The following VPS11 variants were observed in gnomAD, a reference collection of about 807,000 sequenced individuals.
VPS11 encodes the protein vacuolar protein sorting-associated protein 11 homolog.
A neutral mutation model predicts 106.8 loss-of-function variants in VPS11; 51 were observed. The ratio of observed to expected loss-of-function variants is 0.48; its 90% CI spans 0.38 to 0.60. The LOEUF is 0.60. Ranked by LOEUF, VPS11 falls within the 20% of genes least tolerant of loss-of-function variation. The probability of loss-of-function intolerance (pLI) is 0.00; values close to 1 mark genes in which losing one functional copy is unlikely to be tolerated. For missense variants in VPS11, 950 were observed against 1,190.0 expected (o/e 0.80, Z 2.97); for synonymous variants, 453 against 458.7 (o/e 0.99, Z 0.16).
chr11:119,075,812 G>C (rs549797118), intron 7 of VPS11, among the ~76,000 whole-genome samples: 9 of 152,228 alleles, frequency 5.9e-5, no homozygotes, highest in South Asian at 2.1e-4. Flanking sequence ...TGAGGCAGGA[G>C]ATTCACTTGA....
Position 119,079,116 on chromosome 11 carries a change from A to T in VPS11, c.2267-13A>T. 6.2e-7 allele frequency: 1 copy of T among 1,612,348 alleles called. No homozygotes were observed. The highest frequency in any genetic ancestry group is 8.5e-7 in the Non-Finnish European group (1 of 1,178,864). On this transcript the variant is annotated splice_polypyrimidine_tract_variant and intron_variant, in intron 13 of 15. Coordinates refer to ENST00000621676, the MANE Select transcript of VPS11 (RefSeq NM_021729.6). ...GGTTGATTGTCTTGTTTCCTCTTGG[A>T]CCCCAATCTCAGTGGTGCAGACCCT... is the stretch of plus-strand genomic sequence containing the variant.
rs1391286604 is a variant in VPS11 at position 119,077,046 on chromosome 11, A to G, written c.1388A>G (p.Lys463Arg). The change falls in exon 8 of 16, where the codon AAG becomes AGG. Residue 463 changes from lysine to arginine, a missense_variant. Lys to Arg is a conservative substitution (Grantham distance 26). Transcript: ENST00000621676. ...ACCCTGCTCCTCAACTGCTATACCA[A>G]GCTCAAGGACAGCTCGAAGCTGGAG... is the stretch of plus-strand genomic sequence containing the variant. ...HTTLLLNCYT[K>R]LKDSSKLEEF... is the part of the protein sequence containing the mutation. The G allele has an allele frequency of 6.2e-7, 1 of 1,613,630 alleles. No individual in the cohort carries two copies. The highest frequency in any genetic ancestry group is 1.1e-5 in the South Asian group (1 of 90,976).
intron 11 of VPS11, 80 bp downstream of exon 11, chr11:119,078,414 G>T (rs1945718896): frequency 1.3e-6 from 2 of 1,581,204 alleles, no homozygotes; most frequent in Admixed American, 1.7e-5. Flanking sequence ...GCCTTTCACT[G>T]CATTCCTTAG....
At chr11:119,069,646 C>T (rs1422011327) in intron 3 of VPS11, 69 bp downstream of exon 3, 2 of 1,603,102 alleles carry the variant, frequency 1.2e-6, no homozygotes, top group Non-Finnish European at 1.7e-6. Flanking sequence ...TTCTGCCTCT[C>T]ATCTTTACTG....
Position 119,078,899 on chromosome 11 carries a change from C to T in VPS11, c.2168C>T (p.Ala723Val). The T allele has an allele frequency of 1.2e-6, 2 of 1,614,022 alleles. No homozygotes were observed. The highest frequency in any genetic ancestry group is 1.7e-6 in the Non-Finnish European group (2 of 1,179,894). ...CAGGACCCCTCCTTGTGGGAGCAGG[C>T]CCTCAGCTACTTCGCTCGCAAGGAG... ...GEQDPSLWEQ[A>V]LSYFARKEED... Residue 723 changes from alanine (A) to valine (V), a missense_variant, in exon 13 of 16, where the codon GCC (alanine) becomes GTC (valine). Coordinates refer to ENST00000621676, the MANE Select transcript of VPS11 (RefSeq NM_021729.6).
intron 3 of VPS11, among the ~76,000 whole-genome samples, chr11:119,069,880 C>T (rs1945303115): frequency 6.6e-6 from 1 of 152,022 alleles, no homozygotes; most frequent in African/African-American, 2.4e-5. Context: ...TGCCTGTAAT[C>T]CCAGCTACTA....
chr11:119,072,307 A>T (rs1002177649), intron 5 of VPS11: 2 of 164,404 alleles, frequency 1.2e-5, no homozygotes, highest in Non-Finnish European at 2.7e-5. Context: ...GCTTTTTTTA[A>T]CTGAAAAATG....
chr11:119,073,536 A>G, intron 6 of VPS11, 137 bp downstream of exon 6: 1 of 1,149,410 alleles, frequency 8.7e-7, no homozygotes, highest in Non-Finnish European at 1.2e-6. Flanking sequence ...GGGTAGGATT[A>G]TAAGGTAAAT....
chr11:119,071,949 C>A, intron 5 of VPS11, 106 bp downstream of exon 5: 1 of 1,416,230 alleles, frequency 7.1e-7, no homozygotes, highest in African/African-American at 1.4e-5. Context: ...CCTACTCCTA[C>A]TCCGGTGTTA....
chr11:119,071,103 A>AT (rs1372313255), intron 4 of VPS11, among the ~76,000 whole-genome samples: 1 of 148,218 alleles, frequency 6.7e-6, no homozygotes, highest in Non-Finnish European at 1.5e-5. Flanking sequence ...TAATTTTTGT[A>AT]TTTTTTCTAG....
chr11:119,073,949 C>G lies in VPS11; in HGVS notation c.1236C>G (p.Ile412Met). 1 of 1,611,356 alleles carries G rather than the reference C, an allele frequency of 6.2e-7. No individual in the cohort carries two copies. The highest frequency in any genetic ancestry group is 8.5e-7 in the Non-Finnish European group (1 of 1,178,588). ...GNHDGAVQQY[I>M]RTIGKLEPSY... Reference sequence around the variant, plus strand: ...ACGATGGGGCTGTCCAGCAATATATCCGGTCAGTCTGGAGGCACTTTGGGA... The same window carrying G: ...ACGATGGGGCTGTCCAGCAATATATGCGGTCAGTCTGGAGGCACTTTGGGA... The change falls in exon 7 of 16, where the codon ATC becomes ATG. Residue 412 changes from isoleucine to methionine, a missense_variant and splice_region_variant. Physicochemically the swap from Ile to Met is conservative, Grantham distance 10. Transcript: ENST00000621676.
In VPS11 at chr11:119,077,429, T is replaced by G. The variant is rs996414219; in HGVS notation, c.1426-72T>G. 8 of 1,546,994 alleles carry G rather than the reference T, an allele frequency of 5.2e-6. No homozygotes were observed. In the African/African-American group the frequency reaches 1.1e-4, roughly 21 times the overall value. On this transcript the variant is annotated intron_variant, in intron 8 of 15. Coordinates refer to ENST00000621676, the MANE Select transcript of VPS11 (RefSeq NM_021729.6). Reference sequence around the variant, plus strand: ...TGATATCACCTTAGGAATCTGAAAGTCAGGTGCCTGTTTCCTCTCCCTTCT... The same window carrying G: ...TGATATCACCTTAGGAATCTGAAAGGCAGGTGCCTGTTTCCTCTCCCTTCT...
Position 119,077,020 on chromosome 11 carries a change from C to A in VPS11, c.1362C>A (p.Thr454=), listed in dbSNP as rs1348427774. Residue 454 remains threonine, a synonymous_variant, in exon 8 of 16, where the codon ACC becomes ACA. Transcript: ENST00000621676. ...AATCCCTGGCCAATGCCGACCATAC[C>A]ACCCTGCTCCTCAACTGCTATACCA... is the stretch of plus-strand genomic sequence containing the variant. The part of the protein sequence containing the change: ...HRQSLANADH[T]TLLLNCYTKL... The A allele has an allele frequency of 1.2e-6, 2 of 1,613,750 alleles. No individual in the cohort carries two copies. Among genetic ancestry groups the A allele is most frequent in the Non-Finnish European group, 1.7e-6 (2 of 1,179,844 alleles).
chr11:119,079,577 C>T lies in VPS11; in HGVS notation c.2438+277C>T, dbSNP rs182489369. Among the ~76,000 whole-genome samples the T allele has an allele frequency of 6.8e-4, 104 of 152,170 alleles. 1 individual carries two copies. In the East Asian group the frequency reaches 0.011, roughly 16 times the overall value. ...ACACATCCGTATTGTGGTTGGAAGCCGTTCTGGTGTTTTTCTTTTTTGAGA... is the reference window on the plus strand; with the variant it reads ...ACACATCCGTATTGTGGTTGGAAGCTGTTCTGGTGTTTTTCTTTTTTGAGA... On this transcript the variant is annotated intron_variant, in intron 14 of 15. Transcript: ENST00000621676.
rs782021382 is a variant in VPS11, at chr11:119,078,872, A to T, written c.2141A>T (p.Glu714Val). The part of the protein sequence containing the change: ...QVISVCERHG[E>V]QDPSLWEQAL... ...ATCAGCGTGTGTGAGCGCCATGGGG[A>T]GCAGGACCCCTCCTTGTGGGAGCAG... is the stretch of plus-strand genomic sequence containing the variant. The change falls in exon 13 of 16, where the codon GAG becomes GTG. Residue 714 changes from glutamate (E) to valine (V), a missense_variant. By Grantham distance (121) the Glu-to-Val change is moderately radical. Transcript: ENST00000621676. 3 of 1,613,980 alleles carry T rather than the reference A, an allele frequency of 1.9e-6. No homozygotes were observed. The highest frequency in any genetic ancestry group is 3.3e-5 in the Admixed American group (2 of 60,024).
Position 119,071,719 on chromosome 11 carries a change from T to C in VPS11, c.760T>C (p.Cys254Arg). ...DLQFIVAGDE[C>R]VYLYQPDERG... ...GCAGTTCATTGTGGCCGGGGATGAG[T>C]GTGTCTACTTGTACCAGCCTGATGA... is the stretch of plus-strand genomic sequence containing the variant. The change falls in exon 5 of 16, where the codon TGT becomes CGT. Residue 254 changes from cysteine (C) to arginine (R), a missense_variant. Transcript: ENST00000621676. The C allele has an allele frequency of 3.1e-6, 5 of 1,613,874 alleles. No individual in the cohort carries two copies. The highest frequency in any genetic ancestry group is 4.2e-6 in the Non-Finnish European group (5 of 1,179,866).
chr11:119,070,613 T>TTC (rs1440389976), intron 4 of VPS11: 7 of 407,372 alleles, frequency 1.7e-5, no homozygotes, highest in East Asian at 4.5e-5. Context: ...TTTTCTTTCT[T>TTC]TTTTTTTTTT....
At chr11:119,080,481 G>A (rs1250390882) in intron 14 of VPS11, among the ~76,000 whole-genome samples, 1 of 151,940 alleles carries the variant, frequency 6.6e-6, no homozygotes, top group Non-Finnish European at 1.5e-5. Flanking sequence ...CGATTCTCCT[G>A]CCTTGGCCCC....
chr11:119,068,933 G>A (rs1295054441), intron 1 of VPS11, among the ~76,000 whole-genome samples: 1 of 6,318 alleles, frequency 1.6e-4, no homozygotes, highest in Non-Finnish European at 4.1e-4. Flanking sequence ...TGTATTTTTA[G>A]TAGAGACAGG....
Sources: gnomAD v4.1 joint callset for allele counts (sites outside exome capture counted in the v4.1 genomes callset) on GRCh38, gnomAD v4.1.1 for gene constraint, MANE v1.5 for transcripts, NCBI Gene and HGNC (gene_info 2026-07-23, HGNC 2026-07-21) for gene names.